Variants in R3HDM1 observed in about 807,000 individuals in gnomAD.
R3HDM1 encodes the protein R3H domain containing 1.
R3HDM1 carries 46 observed loss-of-function variants against 141.1 expected under a neutral mutation model. The ratio of observed to expected loss-of-function variants is 0.33; its 90% CI spans 0.26 to 0.42. The LOEUF (loss-of-function observed/expected upper bound fraction) is 0.42. Ranked by LOEUF, R3HDM1 falls within the 10% of genes least tolerant of loss-of-function variation. R3HDM1 has a pLI of 1.00. For synonymous variants in R3HDM1, 435 were observed against 472.9 expected (o/e 0.92, Z 1.04); for missense variants, 1,184 against 1,368.3 (o/e 0.87, Z 2.12).
chr2:135,600,151 T>G (rs1053727167), intron 1 of R3HDM1, among the ~76,000 whole-genome samples: 1 of 147,560 alleles, frequency 6.8e-6, no homozygotes, highest in Non-Finnish European at 1.5e-5. Context: ...TTTGCTATGT[T>G]GCCTAGGCTT....
chr2:135,645,128 C>A, intron 15 of R3HDM1: 2 of 293,520 alleles, frequency 6.8e-6, no homozygotes, highest in South Asian at 9.8e-5. Context: ...CACTAGCGGT[C>A]TGGGCCAGTA....
chr2:135,684,976 C>A (rs2071082159), intron 21 of R3HDM1, among the ~76,000 whole-genome samples: 1 of 152,048 alleles, frequency 6.6e-6, no homozygotes, highest in Admixed American at 6.6e-5. Context: ...GTTGCCCAAG[C>A]TGGTCTCGAA....
chr2:135,616,884 C>T, intron 5 of R3HDM1, 127 bp downstream of exon 5: 1 of 777,900 alleles, frequency 1.3e-6, no homozygotes, highest in Non-Finnish European at 2.0e-6. Flanking sequence ...TAATACTTGG[C>T]ACCCAAGAGA....
intron 9 of R3HDM1, 36 bp downstream of exon 9, chr2:135,632,037 C>T: frequency 7.1e-7 from 1 of 1,415,326 alleles, no homozygotes; most frequent in Non-Finnish European, 9.6e-7. Context: ...TATTATATAT[C>T]TAAATAATAA....
intron 1 of R3HDM1, among the ~76,000 whole-genome samples, chr2:135,591,904 T>C (rs539754585): frequency 6.6e-6 from 1 of 152,296 alleles, no homozygotes; most frequent in Non-Finnish European, 1.5e-5. Flanking sequence ...TCTCTCCCCA[T>C]GAGGTCAAGA....
intron 6 of R3HDM1, chr2:135,622,227 C>T (rs1253920676): frequency 1.0e-6 from 1 of 983,924 alleles, no homozygotes; most frequent in Non-Finnish European, 1.2e-6. Flanking sequence ...TTTCTATCTA[C>T]CTCCAAATTA....
intron 1 of R3HDM1, among the ~76,000 whole-genome samples, chr2:135,562,461 T>A (rs143149252): frequency 0.011 from 1,698 of 152,332 alleles, 14 homozygotes; most frequent in Middle Eastern, 0.044. Flanking sequence ...CGCTTATTAT[T>A]TTTTTCTAGT....
At chr2:135,628,395 A>G (rs971086218) in intron 7 of R3HDM1, among the ~76,000 whole-genome samples, 2 of 152,204 alleles carry the variant, frequency 1.3e-5, no homozygotes, top group Non-Finnish European at 2.9e-5. Flanking sequence ...ATCCTCTGCA[A>G]TCTATAGATG....
rs1307091314 is a variant in R3HDM1, at chr2:135,699,036, T to TA, written c.2460-10396dup. Among the ~76,000 whole-genome samples the TA allele has an allele frequency of 5.0e-3, 540 of 108,244 alleles. 3 individuals carry two copies. Among genetic ancestry groups the TA allele is most frequent in the African/African-American group, 0.01 (322 of 30,734 alleles). The allele number at this position is 108,244 out of a possible 152,430, so 71.0% of individuals were successfully genotyped here. A position where few individuals can be genotyped will look rare whatever the true frequency, so the allele number is the denominator to read the frequency against. On this transcript the variant is annotated intron_variant, in intron 21 of 26. Transcript: ENST00000683871. Reference sequence around the variant, plus strand: ...ATAGATAGATAGATAGATAGATAGATAGATAGATAAGATAGATAAGATAGA... The same window carrying TA: ...ATAGATAGATAGATAGATAGATAGATAAGATAGATAAGATAGATAAGATAGA...
intron 18 of R3HDM1, among the ~76,000 whole-genome samples, chr2:135,660,633 G>A (rs531848372): frequency 6.6e-6 from 1 of 152,100 alleles, no homozygotes; most frequent in Non-Finnish European, 1.5e-5. Flanking sequence ...ATCAGTTGAG[G>A]TCAGGAGTTT....
intron 1 of R3HDM1, chr2:135,549,841 TA>T: frequency 2.2e-6 from 1 of 457,730 alleles, no homozygotes; most frequent in Non-Finnish European, 2.9e-6. Context: ...GTGAATAGAC[TA>T]AATACTACTG....
At chr2:135,649,384 A>AGGG (rs1491301034) in intron 16 of R3HDM1, 1 of 152,158 alleles carries the variant, frequency 6.6e-6, no homozygotes, top group Non-Finnish European at 1.5e-5. Flanking sequence ...GCTAAAAGTT[A>AGGG]GGGGCTTTGG....
intron 18 of R3HDM1, 138 bp from the exon 19 acceptor site, chr2:135,661,132 G>C: frequency 9.0e-7 from 1 of 1,109,590 alleles, no homozygotes; most frequent in East Asian, 2.6e-5. Flanking sequence ...TTAAATTTCA[G>C]TTAAATTTAA....
rs1163972393 is a variant in R3HDM1, at chr2:135,716,985, C to CAT, written c.2881+1291_2881+1292insAT. 6.0e-4 allele frequency among the ~76,000 whole-genome samples: 50 copies of CAT among 83,240 alleles called. No individual in the cohort carries two copies. The East Asian group carries it at 0.018, about 30-fold the overall frequency. 54.6% of individuals were successfully genotyped at this position (83,240 alleles called of 152,430 possible). On this transcript the variant is annotated intron_variant, in intron 24 of 26. Transcript: ENST00000683871. ...AAACAAACAAAAAAACAAACAAACA[C>CAT]GGGGAGCAGTATTCACAATATGGTA...
intron 21 of R3HDM1, among the ~76,000 whole-genome samples, chr2:135,685,556 A>T (rs2071187997): frequency 6.6e-6 from 1 of 152,012 alleles, no homozygotes; most frequent in South Asian, 2.1e-4. Flanking sequence ...ATTTCACCAC[A>T]CTGTACTTGT....
intron 21 of R3HDM1, among the ~76,000 whole-genome samples, chr2:135,689,113 A>G (rs987731966): frequency 3.3e-5 from 5 of 152,136 alleles, no homozygotes; most frequent in African/African-American, 1.2e-4. Context: ...GAGCAACATT[A>G]TTTTTTGATG....
intron 1 of R3HDM1, among the ~76,000 whole-genome samples, chr2:135,575,975 C>A (rs1184600432): frequency 6.6e-6 from 1 of 152,084 alleles, no homozygotes; most frequent in Non-Finnish European, 1.5e-5. Flanking sequence ...ACTAGCTCTA[C>A]CAGACATTAA....
At chr2:135,642,215 AG>A (rs1448640579) in intron 15 of R3HDM1, among the ~76,000 whole-genome samples, 1 of 152,098 alleles carries the variant, frequency 6.6e-6, no homozygotes, top group Non-Finnish European at 1.5e-5. Context: ...TATATAATGG[AG>A]GGGGGAAAAA....
intron 17 of R3HDM1, chr2:135,650,497 T>A: frequency 1.0e-6 from 1 of 981,526 alleles, no homozygotes; most frequent in African/African-American, 1.7e-5. Context: ...AATGATACTT[T>A]CTTCTATCCA....
Sources: gnomAD v4.1 joint callset for allele counts (sites outside exome capture counted in the v4.1 genomes callset) on GRCh38, gnomAD v4.1.1 for gene constraint, MANE v1.5 for transcripts, NCBI Gene and HGNC (gene_info 2026-07-23, HGNC 2026-07-21) for gene names.